Variants in ELP1 observed in about 807,000 individuals in gnomAD.
ELP1 encodes the protein elongator complex protein 1.
ELP1 carries 131 observed loss-of-function variants against 183.2 expected under a neutral mutation model. That is an observed-to-expected ratio of 0.72 (90% CI 0.62 to 0.83). The LOEUF is 0.83. Ranked by LOEUF, ELP1 falls within the 40% of genes least tolerant of loss-of-function variation. The pLI is 0.00. For missense variants in ELP1, 1,550 were observed against 1,594.9 expected, an observed-to-expected ratio of 0.97 and a Z score of 0.48; for synonymous variants, 555 against 569.0, an observed-to-expected ratio of 0.98 and a Z score of 0.35.
chr9:108,927,253 G>T, intron 4 of ELP1, 119 bp downstream of exon 4: 1 of 769,152 alleles, frequency 1.3e-6, no homozygotes, highest in East Asian at 2.5e-5. Context: ...GTTCATAATT[G>T]GTATTATACT....
At chr9:108,916,095 C>G in intron 10 of ELP1, 109 bp downstream of exon 10, 4 of 876,284 alleles carry the variant, frequency 4.6e-6, no homozygotes, top group Non-Finnish European at 7.8e-6. Flanking sequence ...ACTTCAGCAT[C>G]TTTGATTCTA....
rs1303398889 is a variant in ELP1 at position 108,908,218 on chromosome 9, G to C, written c.1460+87C>G. On this transcript the variant is annotated intron_variant, in intron 13 of 36. Transcript: ENST00000374647. ...TTATTTCTTGTTCCACTCAGCAACAGGCATAGAACTGTTATCAGATGGCTG... is the reference window on the plus strand; with the variant it reads ...TTATTTCTTGTTCCACTCAGCAACACGCATAGAACTGTTATCAGATGGCTG... The C allele has an allele frequency of 5.3e-6, 5 of 947,486 alleles. No homozygotes were observed. In the South Asian group the frequency reaches 6.6e-5, roughly 13 times the overall value. 58.7% of individuals were successfully genotyped at this position (947,486 alleles called of 1,614,324 possible).
chr9:108,914,164 G>A (rs1181324248), intron 10 of ELP1, among the ~76,000 whole-genome samples: 2 of 152,076 alleles, frequency 1.3e-5, no homozygotes, highest in East Asian at 3.9e-4. Context: ...CACTTTGGGA[G>A]GCCGAGACGG....
At chr9:108,914,167 C>T (rs994831663) in intron 10 of ELP1, among the ~76,000 whole-genome samples, 1 of 151,756 alleles carries the variant, frequency 6.6e-6, no homozygotes, top group Non-Finnish European at 1.5e-5. Context: ...TTTGGGAGGC[C>T]GAGACGGGCA....
rs182287137 is a variant in ELP1, at chr9:108,898,700, G to C, written c.2254C>G (p.Leu752Val). The change falls in exon 21 of 37, where the codon CTC becomes GTC. Residue 752 changes from leucine to valine, a missense_variant. By Grantham distance (32) the Leu-to-Val change is conservative (BLOSUM62 1). Coordinates refer to ENST00000374647, the MANE Select transcript of ELP1 (RefSeq NM_003640.5). Reference protein sequence around the residue: ...FECMRKLRINLNLIYDHNPKV... With the variant: ...FECMRKLRINVNLIYDHNPKV... Reference sequence around the variant, plus strand: ...GGGTTATGATCATAAATCAGATTGAGATTGATTCTCAGCTTTCTCATGCAT... The same window carrying C: ...GGGTTATGATCATAAATCAGATTGACATTGATTCTCAGCTTTCTCATGCAT... The C allele has an allele frequency of 2.5e-6, 4 of 1,612,774 alleles. No individual in the cohort carries two copies. In the East Asian group the frequency reaches 8.9e-5, roughly 36 times the overall value.
chr9:108,908,432 A>G (rs1364238781), intron 12 of ELP1, 28 bp from the exon 13 acceptor site: 6 of 1,512,750 alleles, frequency 4.0e-6, no homozygotes, highest in Non-Finnish European at 4.6e-6. Flanking sequence ...AAATATTATC[A>G]TCGTAAATTA....
chr9:108,875,055 G>A, intron 35 of ELP1, 85 bp from the exon 36 acceptor site: 2 of 853,480 alleles, frequency 2.3e-6, no homozygotes, highest in South Asian at 1.3e-5. Context: ...CCTACCCCCA[G>A]AAAACAGCCT....
At chr9:108,932,354 T>A (rs1292897933) in intron 1 of ELP1, among the ~76,000 whole-genome samples, 1 of 151,598 alleles carries the variant, frequency 6.6e-6, no homozygotes, top group African/African-American at 2.4e-5. Context: ...GTTTTTTTGT[T>A]TTTTGAGACG....
At chr9:108,907,350 CTCTA>C (rs1829057991) in intron 13 of ELP1, among the ~76,000 whole-genome samples, 1 of 152,032 alleles carries the variant, frequency 6.6e-6, no homozygotes, top group Admixed American at 6.6e-5. Flanking sequence ...CTAATTTGTC[CTCTA>C]TCTCTACTCT....
intron 22 of ELP1, among the ~76,000 whole-genome samples, chr9:108,898,190 G>A (rs1389226505): frequency 6.6e-6 from 1 of 152,188 alleles, no homozygotes; most frequent in Non-Finnish European, 1.5e-5. Flanking sequence ...AAAAAGTTGA[G>A]GGGAAAGATC....
At chr9:108,899,632 C>T (rs998388876) in intron 20 of ELP1, among the ~76,000 whole-genome samples, 190 bp downstream of exon 20, 1 of 150,722 alleles carries the variant, frequency 6.6e-6, no homozygotes, top group East Asian at 2.0e-4. Flanking sequence ...TGCTAGGAAT[C>T]TCCACTACAA....
intron 6 of ELP1, among the ~76,000 whole-genome samples, chr9:108,919,775 T>C (rs922560964): frequency 1.3e-5 from 2 of 152,010 alleles, no homozygotes; most frequent in African/African-American, 4.8e-5. Context: ...ACAAGGTGAA[T>C]AGGGAGGAGC....
At chr9:108,882,073 C>T in intron 30 of ELP1, 52 bp downstream of exon 30, 1 of 1,471,886 alleles carries the variant, frequency 6.8e-7, no homozygotes, top group Non-Finnish European at 9.5e-7. Flanking sequence ...GAATCCCTTG[C>T]TTGCTCTCTC....
At chr9:108,932,585 A>G (rs968727613) in intron 1 of ELP1, among the ~76,000 whole-genome samples, 1 of 150,800 alleles carries the variant, frequency 6.6e-6, no homozygotes, top group Non-Finnish European at 1.5e-5. Flanking sequence ...CAAGTGATCC[A>G]CCCGCCTCTG....
intron 35 of ELP1, among the ~76,000 whole-genome samples, chr9:108,877,437 C>T (rs1827742419): frequency 6.6e-6 from 1 of 152,098 alleles, no homozygotes; most frequent in Non-Finnish European, 1.5e-5. Context: ...AAACTCTTAA[C>T]AATAGACTTG....
chr9:108,889,250 T>G (rs1337773012), intron 29 of ELP1, 82 bp downstream of exon 29: 3 of 1,270,232 alleles, frequency 2.4e-6, no homozygotes, highest in Non-Finnish European at 3.5e-6. Context: ...CACAGTTCCT[T>G]TAACTTTCAT....
intron 5 of ELP1, among the ~76,000 whole-genome samples, chr9:108,926,149 G>T (rs962977433): frequency 6.6e-6 from 1 of 152,188 alleles, no homozygotes; most frequent in Non-Finnish European, 1.5e-5. Flanking sequence ...TGTTCCCATG[G>T]AAATGCAGAT....
At chr9:108,897,093 GACAA>G (rs1483409255) in intron 23 of ELP1, 51 bp downstream of exon 23, 3 of 1,613,698 alleles carry the variant, frequency 1.9e-6, no homozygotes, top group Non-Finnish European at 2.5e-6. Flanking sequence ...GCTGGACAAG[GACAA>G]CTACACACTT....
intron 25 of ELP1, among the ~76,000 whole-genome samples, chr9:108,895,680 G>A (rs1828516876): frequency 6.6e-6 from 1 of 152,168 alleles, no homozygotes; most frequent in Non-Finnish European, 1.5e-5. Flanking sequence ...GCAGAGAGAT[G>A]AAGGATCCGA....
Sources: gnomAD v4.1 joint callset for allele counts (sites outside exome capture counted in the v4.1 genomes callset) on GRCh38, gnomAD v4.1.1 for gene constraint, MANE v1.5 for transcripts, NCBI Gene and HGNC (gene_info 2026-07-23, HGNC 2026-07-21) for gene names.